The following RASEF variants were observed in gnomAD, a reference collection of about 807,000 sequenced individuals.
RASEF encodes the protein ras and EF-hand domain-containing protein.
A neutral mutation model predicts 90.1 loss-of-function variants in RASEF; 68 were observed. That is an observed-to-expected ratio of 0.75 (90% CI 0.62 to 0.92). RASEF has a LOEUF of 0.92. RASEF is among the 40% of genes least tolerant of loss of function. The pLI, the probability that RASEF is intolerant of heterozygous loss-of-function variation, is 0.00. For synonymous variants in RASEF, 331 were observed against 345.2 expected (o/e 0.96, Z 0.46); for missense variants, 949 against 937.2 (o/e 1.01, Z -0.16).
the RASEF span, among the ~76,000 whole-genome samples, chr9:83,093,281 C>T: frequency 3.3e-5 from 5 of 152,250 alleles, no homozygotes; most frequent in African/African-American, 1.2e-4. Context: ...GCCTGCCAGT[C>T]CCTCGCCGTG....
upstream of RASEF, among the ~76,000 whole-genome samples, chr9:83,067,656 TG>T (rs1194591930): frequency 6.6e-6 from 1 of 152,220 alleles, no homozygotes; most frequent in Non-Finnish European, 1.5e-5. Context: ...ATTAAGTATC[TG>T]TAATGTTTCA....
Position 83,014,201 on chromosome 9 carries a change from C to T in RASEF, c.765+1604G>A, listed in dbSNP as rs922858315. Among the ~76,000 whole-genome samples the T allele has an allele frequency of 3.9e-5, 6 of 152,138 alleles. No homozygotes were observed. The South Asian group carries it at 8.3e-4, about 21-fold the overall frequency. On this transcript the variant is annotated intron_variant, in intron 4 of 16. Transcript: ENST00000376447. ...ACTTTTGAAAATTAGATATAAGGTT[C>T]AAATTGATATTCATTTTCTAAGGAG...
chr9:83,022,377 C>G lies in RASEF; in HGVS notation c.628G>C (p.Asp210His). ...MQLSELEEEM[D>H]QRIQAAEHKT... ...TGTTCTGCAGCCTGAATCCTCTGATCCATTTCCTCTTCCAACTCACTCAAC... is the reference window on the plus strand; with the variant it reads ...TGTTCTGCAGCCTGAATCCTCTGATGCATTTCCTCTTCCAACTCACTCAAC... Residue 210 changes from aspartate (D) to histidine (H), a missense_variant, in exon 3 of 17, where the codon GAT becomes CAT. Asp to His is a moderately conservative substitution (Grantham distance 81). Transcript: ENST00000376447. 6.2e-7 allele frequency: 1 copy of G among 1,614,122 alleles called. No individual in the cohort carries two copies. Among genetic ancestry groups the G allele is most frequent in the Non-Finnish European group, 8.5e-7 (1 of 1,180,006 alleles).
At chr9:83,040,699 C>T (rs1321357334) in intron 1 of RASEF, among the ~76,000 whole-genome samples, 1 of 152,144 alleles carries the variant, frequency 6.6e-6, no homozygotes, top group Non-Finnish European at 1.5e-5. Flanking sequence ...AAATAGTTGG[C>T]ATTTAATTCT....
At chr9:83,087,405 TTCTCTCTCTCTC>T in the RASEF span, among the ~76,000 whole-genome samples, 509 of 115,604 alleles carry the variant, frequency 4.4e-3, 6 homozygotes, top group Admixed American at 8.6e-3. Context: ...TTCTCATTCA[TTCTCTCTCTCTC>T]TCTCTCTCTC....
chr9:83,100,746 C>CT, the RASEF span, among the ~76,000 whole-genome samples: 1 of 152,140 alleles, frequency 6.6e-6, no homozygotes, highest in Admixed American at 6.5e-5. Flanking sequence ...GGAGATGCTG[C>CT]TACTTCTGAC....
chr9:82,981,343 A>C lies in RASEF; in HGVS notation c.*1334T>G, dbSNP rs2118331068. 6.6e-6 allele frequency: 1 copy of C among 152,336 alleles called. No individual in the cohort carries two copies. The highest frequency in any genetic ancestry group is 1.9e-4 in the East Asian group (1 of 5,178). 9.4% of individuals were successfully genotyped at this position (152,336 alleles called of 1,614,324 possible). A position where few individuals can be genotyped will look rare whatever the true frequency, so the allele number is the denominator to read the frequency against. On this transcript the variant is annotated 3_prime_UTR_variant, in exon 17 of 17. Coordinates refer to ENST00000376447, the MANE Select transcript of RASEF (RefSeq NM_152573.4). ...ACCAGGTCACTGGTGATGATGAGCC[A>C]CTAGTCACATTAAACAAAGGACCCT... is the stretch of plus-strand genomic sequence containing the variant.
chr9:82,994,169 A>T (rs1828864184), intron 14 of RASEF, among the ~76,000 whole-genome samples: 3 of 152,112 alleles, frequency 2.0e-5, no homozygotes, highest in Admixed American at 1.3e-4. Flanking sequence ...AAGGCTCCAG[A>T]GTGTAATAAA....
the RASEF span, among the ~76,000 whole-genome samples, chr9:83,188,797 A>G: frequency 8.5e-5 from 13 of 152,194 alleles, no homozygotes; most frequent in African/African-American, 1.2e-4. Context: ...CTAACTTAAG[A>G]TTTTTAAACC....
At chr9:83,011,507 G>A (rs10126033) in intron 5 of RASEF, among the ~76,000 whole-genome samples, 72,336 of 140,914 alleles carry the variant, frequency 0.51, 18,462 homozygotes, top group East Asian at 0.73. Context: ...AGCCAAGATC[G>A]TGCCACTGTA....
At chr9:83,138,167 C>T in the RASEF span, among the ~76,000 whole-genome samples, 1 of 152,048 alleles carries the variant, frequency 6.6e-6, no homozygotes, top group South Asian at 2.1e-4. Flanking sequence ...TGTTGCTTTT[C>T]TGCCTGAATC....
chr9:83,167,753 T>G, the RASEF span, among the ~76,000 whole-genome samples: 1 of 152,152 alleles, frequency 6.6e-6, no homozygotes, highest in African/African-American at 2.4e-5. Flanking sequence ...GGACATTTCA[T>G]ATAGATGGAA....
At chr9:83,085,812 C>A in the RASEF span, among the ~76,000 whole-genome samples, 6 of 152,008 alleles carry the variant, frequency 3.9e-5, no homozygotes, top group Admixed American at 6.6e-5. Flanking sequence ...GTAGTCCCAG[C>A]TACTCGGTGG....
rs779836440 is a variant in RASEF at position 83,000,520 on chromosome 9, G to A, written c.1488C>T (p.Ser496=). 14 of 1,613,466 alleles carry A rather than the reference G, an allele frequency of 8.7e-6. No homozygotes were observed. Among genetic ancestry groups the A allele is most frequent in the South Asian group, 7.7e-5 (7 of 91,050 alleles). ...ACCCTTGGGGCTTCCAGTCTAAGAC[G>A]GAAGCCACATCTTCTAAACCAAATG... ...EETFGLEDVA[S]VLDWKPQGSV... The change falls in exon 11 of 17, where the codon TCC becomes TCT. Residue 496 remains serine (S), a synonymous_variant. Coordinates refer to ENST00000376447, the MANE Select transcript of RASEF (RefSeq NM_152573.4).
chr9:83,056,182 C>T (rs1038195788), intron 1 of RASEF, among the ~76,000 whole-genome samples: 2 of 152,136 alleles, frequency 1.3e-5, no homozygotes, highest in African/African-American at 2.4e-5. Flanking sequence ...AAGCAGTTAT[C>T]GTTTGGAAGA....
intron 1 of RASEF, among the ~76,000 whole-genome samples, chr9:83,049,591 C>G (rs1217948584): frequency 9.5e-5 from 12 of 126,276 alleles, no homozygotes; most frequent in African/African-American, 4.1e-4. Context: ...GCACATTGTG[C>G]AGGTTAGTTA....
intron 5 of RASEF, among the ~76,000 whole-genome samples, chr9:83,010,816 G>A (rs147272944): frequency 1.1e-4 from 16 of 152,188 alleles, no homozygotes; most frequent in African/African-American, 1.7e-4. Flanking sequence ...ACACTCTCTC[G>A]GGAGAAAGGC....
the RASEF span, among the ~76,000 whole-genome samples, chr9:83,206,978 C>T: frequency 4.6e-5 from 7 of 152,134 alleles, no homozygotes; most frequent in Non-Finnish European, 1.0e-4. Flanking sequence ...ACCTGCCTTT[C>T]CCTCCTGGAG....
the RASEF span, among the ~76,000 whole-genome samples, chr9:83,158,648 C>CATATA: frequency 2.4e-4 from 1 of 4,232 alleles, no homozygotes; most frequent in South Asian, 7.4e-3. Context: ...GTATATATGT[C>CATATA]CAAATATATA....
Sources: gnomAD v4.1 joint callset for allele counts (sites outside exome capture counted in the v4.1 genomes callset) on GRCh38, gnomAD v4.1.1 for gene constraint, MANE v1.5 for transcripts, NCBI Gene and HGNC (gene_info 2026-07-23, HGNC 2026-07-21) for gene names.